The following WDR5 variants were observed in gnomAD, a reference collection of about 807,000 sequenced individuals.
WDR5 encodes the protein WD repeat-containing protein 5.
For missense variants in WDR5, 187 were observed against 416.9 expected, an observed-to-expected ratio of 0.45 and a Z score of 4.80; for synonymous variants, 144 against 161.6, an observed-to-expected ratio of 0.89 and a Z score of 0.83.
chr9:134,140,707 C>T lies in WDR5; in HGVS notation c.86C>T (p.Thr29Ile), dbSNP rs1368248660. ...PSSSATQSKP[T>I]PVKPNYALKF... ...GCTAACTGGTCTTTCCTGCAGCCTA[C>T]ACCTGTGAAGCCAAACTATGCTCTA... is the stretch of plus-strand genomic sequence containing the variant. The change falls in exon 3 of 14, where the codon ACA becomes ATA. Residue 29 changes from threonine to isoleucine, a missense_variant. Transcript: ENST00000358625. The T allele has an allele frequency of 2.5e-6, 4 of 1,614,170 alleles. No individual in the cohort carries two copies. The East Asian group carries it at 8.9e-5, about 36-fold the overall frequency.
chr9:134,139,984 A>G (rs1358118438), intron 2 of WDR5, 26 bp downstream of exon 2: 1 of 1,612,706 alleles, frequency 6.2e-7, no homozygotes, highest in Admixed American at 1.7e-5. Flanking sequence ...CCCCTTGGAC[A>G]CCTTCCGGGG....
At position 134,154,471 on chromosome 9, in the gene WDR5, G is replaced by A. The variant is rs1395151174; in HGVS notation, c.637G>A (p.Asp213Asn). The A allele has an allele frequency of 6.2e-7, 1 of 1,614,134 alleles. No individual in the cohort carries two copies. Among genetic ancestry groups the A allele is most frequent in the Non-Finnish European group, 8.5e-7 (1 of 1,180,018 alleles). ...GQCLKTLIDD[D>N]NPPVSFVKFS... ...CCTGTCCGTTTTTATTGCAGATGAC[G>A]ACAACCCCCCCGTGTCTTTTGTGAA... Residue 213 changes from aspartate (D) to asparagine (N), a missense_variant, in exon 10 of 14, where the codon GAC (aspartate) becomes AAC (asparagine). Asp to Asn is a conservative substitution (Grantham distance 23). Transcript: ENST00000358625.
intron 7 of WDR5, among the ~76,000 whole-genome samples, chr9:134,143,829 A>T (rs914123247): frequency 4.3e-4 from 48 of 112,864 alleles, no homozygotes; most frequent in African/African-American, 1.2e-3. Flanking sequence ...CTCTGTCTTT[A>T]AAAAAAAAAA....
intron 7 of WDR5, among the ~76,000 whole-genome samples, chr9:134,147,941 G>A (rs886669310): frequency 6.6e-6 from 1 of 151,938 alleles, no homozygotes. Flanking sequence ...GATCACTTGC[G>A]GTCAGGAGTT....
intron 7 of WDR5, among the ~76,000 whole-genome samples, chr9:134,143,251 G>A (rs147670502): frequency 2.0e-5 from 3 of 152,304 alleles, no homozygotes; most frequent in East Asian, 1.9e-4. Flanking sequence ...CAAACCAAAC[G>A]GCCGAGAGGC....
rs772701363 is a variant in WDR5 at position 134,158,234 on chromosome 9, A to G, written c.*241A>G. 2.3e-6 allele frequency: 1 copy of G among 429,350 alleles called. No homozygotes were observed. The highest frequency in any genetic ancestry group is 4.2e-6 in the Non-Finnish European group (1 of 239,022). 26.6% of individuals were successfully genotyped at this position (429,350 alleles called of 1,614,324 possible). A position where few individuals can be genotyped will look rare whatever the true frequency, so the allele number is the denominator to read the frequency against. ...CTGTCTAGGGAAGAGTTCCTAGTCT[A>G]TTGTGTTCAAACAGAGTCAACAAAA... On this transcript the variant is annotated 3_prime_UTR_variant, in exon 14 of 14. Coordinates refer to ENST00000358625, the MANE Select transcript of WDR5 (RefSeq NM_017588.3).
chr9:134,140,629 G>A, intron 2 of WDR5, 74 bp from the exon 3 acceptor site: 2 of 1,203,326 alleles, frequency 1.7e-6, no homozygotes, highest in African/African-American at 1.5e-5. Context: ...TAAATGGTGG[G>A]AGTCAAAATC....
At position 134,157,074 on chromosome 9, in the gene WDR5, G is replaced by A. The variant is rs1303655753; in HGVS notation, c.904+481G>A. ...CTACCTGGGGTTGCCACCTCTGTGG[G>A]TCCCGGCTGCCCTCTGCAGCCGCCG... On this transcript the variant is annotated intron_variant, in intron 13 of 13. Coordinates refer to ENST00000358625, the MANE Select transcript of WDR5 (RefSeq NM_017588.3). The surrounding 1 kb of genome is among the most constrained non-coding windows in gnomAD (Gnocchi z 5.0). Among the ~76,000 whole-genome samples the A allele has an allele frequency of 6.6e-6, 1 of 152,108 alleles. No individual in the cohort carries two copies. Among genetic ancestry groups the A allele is most frequent in the Non-Finnish European group, 1.5e-5 (1 of 67,992 alleles).
Position 134,139,821 on chromosome 9 carries a change from C to T in WDR5, c.-57C>T, listed in dbSNP as rs1392394652. On this transcript the variant is annotated splice_region_variant and 5_prime_UTR_variant, in exon 2 of 14. Coordinates refer to ENST00000358625, the MANE Select transcript of WDR5 (RefSeq NM_017588.3). ...CCTGTTCTGCATCTCGCTCAACAGA[C>T]TGCCTCTGTCACCGGGTCCCTCCAC... 64 of 1,581,168 alleles carry T rather than the reference C, an allele frequency of 4.0e-5. No homozygotes were observed. The highest frequency in any genetic ancestry group is 5.3e-5 in the Non-Finnish European group (61 of 1,151,764).
intron 1 of WDR5, among the ~76,000 whole-genome samples, chr9:134,137,512 G>C (rs1176933231): frequency 6.6e-6 from 1 of 151,836 alleles, no homozygotes. Flanking sequence ...GCGAAACTCC[G>C]TCTCTACTAA....
Position 134,142,047 on chromosome 9 carries a change from C to T in WDR5, c.354+9C>T. ...TATGGGACGTGAGCTCGGTAAGTGA[C>T]ACTCAGTGCTTCTCTCCAGGGGAGA... On this transcript the variant is annotated intron_variant, in intron 5 of 13. Coordinates refer to ENST00000358625, the MANE Select transcript of WDR5 (RefSeq NM_017588.3). The T allele has an allele frequency of 1.9e-6, 3 of 1,613,232 alleles. No individual in the cohort carries two copies. The highest frequency in any genetic ancestry group is 2.7e-5 in the African/African-American group (2 of 75,004).
At chr9:134,151,884 G>T in intron 8 of WDR5, 99 bp from the exon 9 acceptor site, 1 of 1,219,848 alleles carries the variant, frequency 8.2e-7, no homozygotes, top group Non-Finnish European at 1.2e-6. Flanking sequence ...AAAAGATAGG[G>T]AAAAGCGTGC....
upstream of WDR5, chr9:134,135,588 C>T (rs1831497992): frequency 6.6e-6 from 1 of 152,218 alleles, no homozygotes; most frequent in Non-Finnish European, 1.5e-5. Context: ...TCGTCCTGCC[C>T]GCCCGGGGTG....
At chr9:134,145,052 C>CTGCTCTGTA (rs1832100344) in intron 7 of WDR5, among the ~76,000 whole-genome samples, 2 of 149,364 alleles carry the variant, frequency 1.3e-5, no homozygotes, top group Admixed American at 6.7e-5. Context: ...TCCACAGCTG[C>CTGCTCTGTA]TGCTCTGTAG....
At chr9:134,152,133 G>T (rs374127793) in intron 9 of WDR5, 104 bp downstream of exon 9, 1 of 1,367,378 alleles carries the variant, frequency 7.3e-7, no homozygotes, top group African/African-American at 1.5e-5. Context: ...TCTGCCCTGG[G>T]TCCGCCCCTG....
intron 9 of WDR5, among the ~76,000 whole-genome samples, chr9:134,153,675 G>A (rs569613113): frequency 6.6e-6 from 1 of 152,294 alleles, no homozygotes; most frequent in East Asian, 1.9e-4. Flanking sequence ...AGGCGTCCCC[G>A]TGGTGGTAAT....
intron 7 of WDR5, among the ~76,000 whole-genome samples, chr9:134,143,278 C>T (rs1008387370): frequency 2.6e-5 from 4 of 152,204 alleles, no homozygotes; most frequent in Non-Finnish European, 4.4e-5. Flanking sequence ...TGGCGGCTCA[C>T]GCCTGCAATC....
intron 2 of WDR5, 48 bp from the exon 3 acceptor site, chr9:134,140,655 T>A (rs1831837747): frequency 6.6e-7 from 1 of 1,508,092 alleles, no homozygotes; most frequent in African/African-American, 1.4e-5. Flanking sequence ...TGGTCACGGG[T>A]GGAACGTACA....
chr9:134,137,950 T>C (rs1831663888), intron 1 of WDR5, among the ~76,000 whole-genome samples: 1 of 152,028 alleles, frequency 6.6e-6, no homozygotes, highest in African/African-American at 2.4e-5. Flanking sequence ...TCCATGCTGG[T>C]CAGGCTGGTC....
Sources: allele counts gnomAD v4.1 joint callset (sites outside exome capture counted in the v4.1 genomes callset), GRCh38; gene constraint gnomAD v4.1.1; non-coding constraint Gnocchi (gnomAD v3.1); transcripts MANE v1.5; gene names NCBI Gene and HGNC (gene_info 2026-07-23, HGNC 2026-07-21).